SLC44A5: variants seen among roughly 807,000 people sequenced by gnomAD.
SLC44A5 encodes choline transporter-like protein 5.
A neutral mutation model predicts 101.8 loss-of-function variants in SLC44A5; 57 were observed. The ratio of observed to expected loss-of-function variants is 0.56; its 90% CI spans 0.45 to 0.70. The LOEUF (loss-of-function observed/expected upper bound fraction) is 0.70. Among genes scored for constraint, SLC44A5 ranks in the 30% least tolerant of loss-of-function variants. The probability of loss-of-function intolerance (pLI) is 0.00; values close to 1 mark genes in which losing one functional copy is unlikely to be tolerated. For synonymous variants in SLC44A5, 281 were observed against 290.9 expected (o/e 0.97, Z 0.35); for missense variants, 737 against 853.1 (o/e 0.86, Z 1.70).
the SLC44A5 span, among the ~76,000 whole-genome samples, chr1:75,657,922 A>G: frequency 3.3e-5 from 5 of 152,142 alleles, no homozygotes; most frequent in Non-Finnish European, 7.3e-5. Context: ...ACAAAGAAAC[A>G]TCAGAATTAA....
intron 3 of SLC44A5, among the ~76,000 whole-genome samples, chr1:75,374,976 T>C (rs566486127): frequency 1.3e-5 from 2 of 152,318 alleles, no homozygotes; most frequent in South Asian, 4.1e-4. Flanking sequence ...CTCTAAAGGA[T>C]TGCACTATCT....
the SLC44A5 span, among the ~76,000 whole-genome samples, chr1:75,645,541 G>A: frequency 1.3e-5 from 2 of 151,700 alleles, no homozygotes; most frequent in Non-Finnish European, 2.9e-5. Flanking sequence ...TTTGTCAGAT[G>A]AGTAGATTGC....
At chr1:75,504,385 T>G (rs553470358) in intron 2 of SLC44A5, among the ~76,000 whole-genome samples, 1 of 152,258 alleles carries the variant, frequency 6.6e-6, no homozygotes, top group Admixed American at 6.5e-5. Flanking sequence ...GGTAGTTACA[T>G]GGATCTGTTT....
chr1:75,465,910 C>T (rs1666786327), intron 2 of SLC44A5, among the ~76,000 whole-genome samples: 1 of 152,026 alleles, frequency 6.6e-6, no homozygotes, highest in Non-Finnish European at 1.5e-5. Context: ...AAGAAAAGAC[C>T]AGCACCCAAT....
At chr1:75,607,206 A>C (rs1394442622) in intron 1 of SLC44A5, among the ~76,000 whole-genome samples, 2 of 152,096 alleles carry the variant, frequency 1.3e-5, no homozygotes, top group Non-Finnish European at 2.9e-5. Flanking sequence ...ATAGTAGTTG[A>C]TGCCAAGTCC....
At chr1:75,600,057 C>A (rs973048723) in intron 1 of SLC44A5, among the ~76,000 whole-genome samples, 6 of 152,044 alleles carry the variant, frequency 3.9e-5, no homozygotes, top group Admixed American at 3.9e-4. Flanking sequence ...AGCAAGGAGA[C>A]CCCTTAGTGC....
At chr1:75,667,434 A>G in the SLC44A5 span, among the ~76,000 whole-genome samples, 106 of 152,326 alleles carry the variant, frequency 7.0e-4, no homozygotes, top group Middle Eastern at 0.014. Flanking sequence ...GAGAGGACAC[A>G]AACAAAATAG....
chr1:75,610,840 A>G (rs1675616312), intron 1 of SLC44A5, among the ~76,000 whole-genome samples, 200 bp downstream of exon 1: 1 of 152,032 alleles, frequency 6.6e-6, no homozygotes, highest in African/African-American at 2.4e-5. Flanking sequence ...TCTTTAAATA[A>G]TCCCCCAGGA....
chr1:75,251,225 C>T lies in SLC44A5; in HGVS notation c.330G>A (p.Gln110=). Residue 110 remains glutamine (Q), a synonymous_variant, in exon 7 of 24, where the codon CAG becomes CAA. Transcript: ENST00000370859. The part of the protein sequence containing the change: ...CTSPSVLLNL[Q]CPTTQICVSK... ...TTTGCCTTACCTGTGTGGTAGGGCA[C>T]TGTAGGTTTAGCAACACGGAGGGAC... 6.2e-7 allele frequency: 1 copy of T among 1,613,142 alleles called. No homozygotes were observed.
At chr1:75,551,770 A>G (rs1300627339) in intron 1 of SLC44A5, among the ~76,000 whole-genome samples, 1 of 152,108 alleles carries the variant, frequency 6.6e-6, no homozygotes, top group Non-Finnish European at 1.5e-5. Flanking sequence ...ACAATTTTGT[A>G]CAGAATTGTG....
intron 5 of SLC44A5, among the ~76,000 whole-genome samples, chr1:75,295,891 A>C (rs959994571): frequency 2.0e-5 from 3 of 152,072 alleles, no homozygotes; most frequent in African/African-American, 7.2e-5. Context: ...GATTTCCTTA[A>C]GTAATAAATG....
chr1:75,277,961 T>C (rs1434172403), intron 5 of SLC44A5, among the ~76,000 whole-genome samples: 1 of 152,128 alleles, frequency 6.6e-6, no homozygotes, highest in Non-Finnish European at 1.5e-5. Context: ...GCAGCCATCA[T>C]TTTGTCCCTA....
chr1:75,433,791 T>G (rs940828452), intron 2 of SLC44A5, among the ~76,000 whole-genome samples: 4 of 152,122 alleles, frequency 2.6e-5, no homozygotes, highest in African/African-American at 9.7e-5. Context: ...TACCCGAGAC[T>G]GGGTCATTTA....
chr1:75,642,031 T>A, the SLC44A5 span: 1 of 1,428,850 alleles, frequency 7.0e-7, no homozygotes, highest in South Asian at 1.2e-5. Flanking sequence ...GTTGATAATT[T>A]CCAGGATTTA....
At chr1:75,653,559 C>T in the SLC44A5 span, among the ~76,000 whole-genome samples, 1 of 152,118 alleles carries the variant, frequency 6.6e-6, no homozygotes, top group Non-Finnish European at 1.5e-5. Context: ...CTGAAACACG[C>T]ATATAATTTT....
chr1:75,438,283 C>T (rs988520376), intron 2 of SLC44A5, among the ~76,000 whole-genome samples: 4 of 152,016 alleles, frequency 2.6e-5, no homozygotes, highest in African/African-American at 9.7e-5. Context: ...GGGAAGAAAG[C>T]CTGATTGGAG....
intron 4 of SLC44A5, among the ~76,000 whole-genome samples, chr1:75,312,423 A>C (rs1439557230): frequency 1.3e-5 from 2 of 152,126 alleles, no homozygotes. Context: ...CCAATGCAAC[A>C]GTTCTGAGAG....
chr1:75,698,366 C>T, the SLC44A5 span, among the ~76,000 whole-genome samples: 1 of 152,202 alleles, frequency 6.6e-6, no homozygotes. Context: ...AGCAGCCTAA[C>T]TGGGAGGCAA....
At chr1:75,354,480 T>A (rs1029829086) in intron 3 of SLC44A5, among the ~76,000 whole-genome samples, 2 of 152,312 alleles carry the variant, frequency 1.3e-5, no homozygotes, top group East Asian at 1.9e-4. Context: ...ATACACTGTT[T>A]CCTTTCAACC....
Sources: gnomAD v4.1 joint callset for allele counts (sites outside exome capture counted in the v4.1 genomes callset) on GRCh38, gnomAD v4.1.1 for gene constraint, MANE v1.5 for transcripts, NCBI Gene and HGNC (gene_info 2026-07-23, HGNC 2026-07-21) for gene names.